SOX6: variants seen among roughly 807,000 people sequenced by gnomAD.
The protein encoded by SOX6 is transcription factor SOX-6.
SOX6 carries 11 observed loss-of-function variants against 97.8 expected under a neutral mutation model. The observed-to-expected ratio is 0.11, with a 90% CI of 0.07 to 0.19. SOX6 has a LOEUF of 0.19. Ranked by LOEUF, SOX6 falls within the 10% of genes least tolerant of loss-of-function variation. SOX6 has a pLI of 1.00. For synonymous variants in SOX6, 360 were observed against 371.4 expected, an observed-to-expected ratio of 0.97 and a Z score of 0.35; for missense variants, 810 against 1,039.5, an observed-to-expected ratio of 0.78 and a Z score of 3.04.
chr11:16,570,926 A>T (rs1367317579), intron 4 of SOX6, among the ~76,000 whole-genome samples: 1 of 152,210 alleles, frequency 6.6e-6, no homozygotes, highest in Non-Finnish European at 1.5e-5. Flanking sequence ...ATATTTTTAC[A>T]GGATTATTGC....
intron 6 of SOX6, among the ~76,000 whole-genome samples, chr11:16,160,612 G>A (rs765287290): frequency 6.6e-6 from 1 of 152,178 alleles, no homozygotes; most frequent in Non-Finnish European, 1.5e-5. Flanking sequence ...TTAAAGCAGA[G>A]TAGTCTATAA....
intron 3 of SOX6, among the ~76,000 whole-genome samples, chr11:16,253,572 G>A (rs956480537): frequency 3.3e-5 from 5 of 151,996 alleles, no homozygotes; most frequent in African/African-American, 1.2e-4. Context: ...TAAAAATGCT[G>A]TCACAAAAAT....
chr11:16,037,621 C>T (rs1338753157), intron 12 of SOX6, among the ~76,000 whole-genome samples: 1 of 152,100 alleles, frequency 6.6e-6, no homozygotes, highest in Non-Finnish European at 1.5e-5. Context: ...TGTTATTAAT[C>T]ACAGATAAGG....
At chr11:16,645,892 T>G (rs554248666) in intron 3 of SOX6, 2 of 152,124 alleles carry the variant, frequency 1.3e-5, no homozygotes, top group East Asian at 3.9e-4. Context: ...AGAAAACAAA[T>G]ATACTTAGTG....
intron 3 of SOX6, among the ~76,000 whole-genome samples, chr11:16,649,409 A>G (rs924443414): frequency 6.6e-6 from 1 of 152,220 alleles, no homozygotes; most frequent in Non-Finnish European, 1.5e-5. Context: ...CTATCAGATT[A>G]ACAGAAGACT....
chr11:16,427,576 G>A (rs890094000), intron 1 of SOX6, among the ~76,000 whole-genome samples: 4 of 151,776 alleles, frequency 2.6e-5, no homozygotes, highest in African/African-American at 9.7e-5. Flanking sequence ...GAGAACATGA[G>A]GTGTTTGGTT....
chr11:16,221,306 C>A (rs1403564828), intron 4 of SOX6, among the ~76,000 whole-genome samples: 1 of 151,902 alleles, frequency 6.6e-6, no homozygotes, highest in Non-Finnish European at 1.5e-5. Context: ...TGTAATAAAA[C>A]AAGTAAATAA....
intron 3 of SOX6, among the ~76,000 whole-genome samples, chr11:16,654,971 T>C (rs1847702991): frequency 6.6e-6 from 1 of 152,222 alleles, no homozygotes; most frequent in African/African-American, 2.4e-5. Context: ...ACAGGAATGA[T>C]AACCACAAAG....
intron 11 of SOX6, among the ~76,000 whole-genome samples, chr11:16,047,286 C>A (rs971980961): frequency 2.0e-5 from 3 of 152,084 alleles, no homozygotes; most frequent in African/African-American, 7.2e-5. Context: ...ACCCCAGTTG[C>A]TGGCTGGTTA....
At chr11:16,173,390 T>C (rs1343034323) in intron 6 of SOX6, among the ~76,000 whole-genome samples, 1 of 151,824 alleles carries the variant, frequency 6.6e-6, no homozygotes, top group Admixed American at 6.6e-5. Context: ...TAACCTAAGC[T>C]CTATGTTTAG....
chr11:16,729,637 A>G (rs1425800110), intron 2 of SOX6, among the ~76,000 whole-genome samples: 1 of 152,228 alleles, frequency 6.6e-6, no homozygotes, highest in African/African-American at 2.4e-5. Context: ...ACCAAATTGT[A>G]AAGACCATCG....
intron 4 of SOX6, among the ~76,000 whole-genome samples, chr11:16,199,336 C>T (rs6486277): frequency 0.59 from 88,992 of 152,000 alleles, 27,029 homozygotes; most frequent in East Asian, 0.75. Flanking sequence ...ATCGTCCAAA[C>T]ACTTTCTATG....
chr11:16,477,580 GTGGCTCACGCC>G (rs1860276180), upstream of SOX6, among the ~76,000 whole-genome samples: 2 of 152,210 alleles, frequency 1.3e-5, no homozygotes, highest in South Asian at 4.1e-4. Context: ...GCCAGGTGCA[GTGGCTCACGCC>G]TGTAATCCCA....
intron 2 of SOX6, among the ~76,000 whole-genome samples, chr11:16,325,321 T>A (rs542525344): frequency 6.6e-6 from 1 of 152,056 alleles, no homozygotes; most frequent in Admixed American, 6.6e-5. Context: ...GTAAATGTGC[T>A]CCCCCACACA....
At chr11:16,567,921 T>G (rs1318363055) in intron 4 of SOX6, among the ~76,000 whole-genome samples, 1 of 151,338 alleles carries the variant, frequency 6.6e-6, no homozygotes, top group Non-Finnish European at 1.5e-5. Context: ...TGAATAAGTA[T>G]AAGAAAATGA....
chr11:16,214,794 A>G (rs947199038), intron 4 of SOX6, among the ~76,000 whole-genome samples: 1 of 147,674 alleles, frequency 6.8e-6, no homozygotes, highest in African/African-American at 2.5e-5. Flanking sequence ...CTTTTGCCCA[A>G]GCTGGAGTGA....
intron 6 of SOX6, among the ~76,000 whole-genome samples, chr11:16,177,311 G>A (rs895601012): frequency 1.3e-5 from 2 of 151,934 alleles, no homozygotes; most frequent in Admixed American, 1.3e-4. Context: ...GCAGGGTAGA[G>A]GGGGAATGTT....
At chr11:16,141,975 T>A (rs1463863218) in intron 6 of SOX6, among the ~76,000 whole-genome samples, 2 of 152,144 alleles carry the variant, frequency 1.3e-5, no homozygotes, top group East Asian at 1.9e-4. Context: ...CAGACTTAAA[T>A]GTCCCTGTCC....
chr11:16,394,711 C>G (rs137895869), intron 1 of SOX6, among the ~76,000 whole-genome samples: 3 of 151,736 alleles, frequency 2.0e-5, no homozygotes, highest in Admixed American at 6.6e-5. Flanking sequence ...GGTCTCATGG[C>G]TTTTCTTTGC....
Sources: gnomAD v4.1 joint callset for allele counts (sites outside exome capture counted in the v4.1 genomes callset) on GRCh38, gnomAD v4.1.1 for gene constraint, MANE v1.5 for transcripts, NCBI Gene and HGNC (gene_info 2026-07-23, HGNC 2026-07-21) for gene names.